UMAD1: variants seen among roughly 807,000 people sequenced by gnomAD.
UMAD1 encodes the protein UBAP1-MVB12-associated (UMA) domain containing 1.
UMAD1 carries 8 observed loss-of-function variants against 6.1 expected under a neutral mutation model. The observed-to-expected ratio is 1.30, with a 90% confidence interval of 0.76 to 2.35. The LOEUF (loss-of-function observed/expected upper bound fraction) is 2.35. Ranked by LOEUF, UMAD1 falls within the 30% of genes most tolerant of loss-of-function variation. UMAD1 has a pLI of 0.00. For synonymous variants in UMAD1, 56 were observed against 31.4 expected (o/e 1.78, Z -2.61); for missense variants, 130 against 78.4 (o/e 1.66, Z -2.49).
At chr7:7,755,596 C>T (rs1781761494) in intron 2 of UMAD1, among the ~76,000 whole-genome samples, 1 of 152,098 alleles carries the variant, frequency 6.6e-6, no homozygotes, top group Non-Finnish European at 1.5e-5. Context: ...CCAGCCTATG[C>T]CAGGCTTAAA....
At chr7:7,807,523 C>T (rs1296501044) in intron 3 of UMAD1, among the ~76,000 whole-genome samples, 1 of 152,072 alleles carries the variant, frequency 6.6e-6, no homozygotes, top group East Asian at 1.9e-4. Flanking sequence ...CATTACACGT[C>T]ATAGCCCAAG....
chr7:7,750,895 G>A (rs1781665618), intron 2 of UMAD1, among the ~76,000 whole-genome samples: 1 of 152,312 alleles, frequency 6.6e-6, no homozygotes, highest in Non-Finnish European at 1.5e-5. Flanking sequence ...GTAGGAAAGG[G>A]TAAATAGAGA....
At chr7:7,687,318 T>C (rs1292450675) in intron 2 of UMAD1, 1 of 152,210 alleles carries the variant, frequency 6.6e-6, no homozygotes, top group African/African-American at 2.4e-5. Context: ...AAAAGGAAAC[T>C]GTACACAGAT....
At chr7:7,653,979 T>G (rs1007377241) in intron 1 of UMAD1, among the ~76,000 whole-genome samples, 1 of 152,194 alleles carries the variant, frequency 6.6e-6, no homozygotes, top group Non-Finnish European at 1.5e-5. Context: ...CAATGTAATA[T>G]GAGATTTCCC....
At chr7:7,786,485 T>A (rs952085134) in intron 2 of UMAD1, among the ~76,000 whole-genome samples, 3 of 152,152 alleles carry the variant, frequency 2.0e-5, no homozygotes, top group Non-Finnish European at 4.4e-5. Context: ...CATTTACTAA[T>A]TTTGCTATGA....
At chr7:7,722,153 C>CTA (rs1327674264) in intron 2 of UMAD1, among the ~76,000 whole-genome samples, 92 of 144,492 alleles carry the variant, frequency 6.4e-4, no homozygotes, top group African/African-American at 2.2e-3. Flanking sequence ...CTCTCTCTCT[C>CTA]TCTCTATATA....
chr7:7,661,807 G>T (rs367870859), intron 1 of UMAD1, among the ~76,000 whole-genome samples: 1 of 152,216 alleles, frequency 6.6e-6, no homozygotes, highest in African/African-American at 2.4e-5. Context: ...TGAGGAGGCA[G>T]TCTGACCCTT....
At chr7:7,665,509 A>C (rs1779421431) in intron 1 of UMAD1, among the ~76,000 whole-genome samples, 1 of 152,250 alleles carries the variant, frequency 6.6e-6, no homozygotes, top group Non-Finnish European at 1.5e-5. Context: ...TAATTGTGTC[A>C]ATAAATTTTT....
At chr7:7,677,664 GTTTTT>G (rs141602455) in intron 2 of UMAD1, among the ~76,000 whole-genome samples, 2 of 113,502 alleles carry the variant, frequency 1.8e-5, no homozygotes, top group Admixed American at 9.9e-5. Context: ...CTGTTTTTTT[GTTTTT>G]TTTTTTTTTT....
intron 3 of UMAD1, among the ~76,000 whole-genome samples, chr7:7,802,802 G>C (rs1436610416): frequency 6.6e-6 from 1 of 152,200 alleles, no homozygotes; most frequent in African/African-American, 2.4e-5. Flanking sequence ...TAGTTGAAAA[G>C]ATTTGTTAAA....
chr7:7,680,752 A>T (rs1222301614), intron 2 of UMAD1, among the ~76,000 whole-genome samples: 1 of 151,416 alleles, frequency 6.6e-6, no homozygotes, highest in Non-Finnish European at 1.5e-5. Flanking sequence ...TATTTTAGAG[A>T]TCTTTCACTT....
intron 2 of UMAD1, among the ~76,000 whole-genome samples, chr7:7,795,681 G>C (rs894950803): frequency 6.6e-6 from 1 of 152,206 alleles, no homozygotes; most frequent in Non-Finnish European, 1.5e-5. Flanking sequence ...TCCCAGAGCT[G>C]AGGGTTTCTC....
intron 2 of UMAD1, among the ~76,000 whole-genome samples, chr7:7,685,130 T>C (rs1780011047): frequency 6.6e-6 from 1 of 152,166 alleles, no homozygotes; most frequent in Non-Finnish European, 1.5e-5. Context: ...AGTATGAATA[T>C]TCTACCTTGT....
chr7:7,701,072 C>G (rs79963659), intron 2 of UMAD1, among the ~76,000 whole-genome samples: 2,729 of 152,182 alleles, frequency 0.018, 81 homozygotes, highest in African/African-American at 0.063. Flanking sequence ...AAAAGTCATA[C>G]AAGTATAATT....
intron 3 of UMAD1, among the ~76,000 whole-genome samples, chr7:7,826,217 T>C (rs1783337951): frequency 6.6e-6 from 1 of 152,118 alleles, no homozygotes; most frequent in Admixed American, 6.6e-5. Flanking sequence ...CAGGGGTTTG[T>C]TTTTCTTTAT....
intron 3 of UMAD1, among the ~76,000 whole-genome samples, chr7:7,876,303 C>T (rs1292664855): frequency 1.3e-5 from 2 of 152,044 alleles, no homozygotes; most frequent in Non-Finnish European, 2.9e-5. Context: ...GAGGAATAGG[C>T]CAGGGCACAC....
chr7:7,796,131 G>C (rs1380267575), intron 2 of UMAD1, among the ~76,000 whole-genome samples: 2 of 151,758 alleles, frequency 1.3e-5, no homozygotes, highest in Non-Finnish European at 2.9e-5. Context: ...CCTCCATGTT[G>C]AAGGAAGCAT....
intron 2 of UMAD1, among the ~76,000 whole-genome samples, chr7:7,717,441 A>G (rs995222454): frequency 1.5e-4 from 23 of 152,246 alleles, no homozygotes; most frequent in East Asian, 3.8e-4. Context: ...GCGTGAGACG[A>G]TAACCTCAGG....
chr7:7,874,194 G>A (rs950924366), intron 3 of UMAD1, among the ~76,000 whole-genome samples: 2 of 152,128 alleles, frequency 1.3e-5, no homozygotes, highest in African/African-American at 2.4e-5. Flanking sequence ...AGCAAATTGT[G>A]TTCCTTTTAC....
Sources: gnomAD v4.1 joint callset for allele counts (sites outside exome capture counted in the v4.1 genomes callset) on GRCh38, gnomAD v4.1.1 for gene constraint, MANE v1.5 for transcripts, NCBI Gene and HGNC (gene_info 2026-07-23, HGNC 2026-07-21) for gene names.